Variants in LIPI observed in about 807,000 individuals in gnomAD.
The protein encoded by LIPI is lipase I.
A neutral mutation model predicts 50.6 loss-of-function variants in LIPI; 59 were observed. That is an observed-to-expected ratio of 1.16 (90% CI 0.94 to 1.45). The LOEUF is 1.45. Ranked by LOEUF, LIPI falls within the 40% of genes most tolerant of loss-of-function variation. The probability of loss-of-function intolerance (pLI) is 0.00; values close to 1 mark genes in which losing one functional copy is unlikely to be tolerated. For synonymous variants in LIPI, 203 were observed against 178.2 expected (o/e 1.14, Z -1.11); for missense variants, 586 against 536.3 (o/e 1.09, Z -0.92).
intron 8 of LIPI, 92 bp from the exon 9 acceptor site, chr21:14,144,891 G>A (rs2017847425): frequency 1.2e-6 from 1 of 819,770 alleles, no homozygotes. Flanking sequence ...GGAGGCCACA[G>A]AGAACAAAAT....
Position 14,205,399 on chromosome 21 carries a change from A to C in LIPI, c.46+5401T>G, listed in dbSNP as rs140812638. Among the ~76,000 whole-genome samples, 1,073 of 152,098 alleles carry C rather than the reference A, an allele frequency of 7.1e-3. 10 individuals are homozygous for C. Among genetic ancestry groups the C allele is most frequent in the African/African-American group, 0.018 (734 of 41,568 alleles). Reference sequence around the variant, plus strand: ...AGAAAGCACGTATTATGTAAAATGAAATACAATAAGATAATAAAAACCATA... The same window carrying C: ...AGAAAGCACGTATTATGTAAAATGACATACAATAAGATAATAAAAACCATA... On this transcript the variant is annotated intron_variant, in intron 1 of 9. Coordinates refer to ENST00000681601, the MANE Select transcript of LIPI (RefSeq NM_001302998.2).
At chr21:14,191,627 G>A (rs2019680931) in intron 1 of LIPI, among the ~76,000 whole-genome samples, 1 of 152,112 alleles carries the variant, frequency 6.6e-6, no homozygotes, top group Non-Finnish European at 1.5e-5. Flanking sequence ...AGGTTGGTGT[G>A]TTATAGTGCA....
In LIPI at chr21:14,181,782, C is replaced by A; in HGVS notation, c.619G>T (p.Asp207Tyr). Reference sequence around the variant, plus strand: ...CCATTGGAGTCAGAATGGATGACATCCACAAACTTTGCATCCGTGTAATCT... The same window carrying A: ...CCATTGGAGTCAGAATGGATGACATACACAAACTTTGCATCCGTGTAATCT... ...RLDYTDAKFV[D>Y]VIHSDSNGLG... Residue 207 changes from aspartate (D) to tyrosine (Y), a missense_variant, in exon 4 of 10, where the codon GAT becomes TAT. Asp to Tyr is a radical substitution (Grantham distance 160). Transcript: ENST00000681601. The A allele has an allele frequency of 5.0e-6, 8 of 1,609,672 alleles. No individual in the cohort carries two copies. Among genetic ancestry groups the A allele is most frequent in the Non-Finnish European group, 6.8e-6 (8 of 1,176,356 alleles).
intron 2 of LIPI, among the ~76,000 whole-genome samples, chr21:14,188,622 G>T (rs544525251): frequency 1.4e-5 from 2 of 145,272 alleles, no homozygotes; most frequent in South Asian, 4.5e-4. Context: ...ATTCACACTC[G>T]ATTATATGCA....
At chr21:14,141,059 T>G (rs1158512611) in intron 9 of LIPI, among the ~76,000 whole-genome samples, 1 of 152,178 alleles carries the variant, frequency 6.6e-6, no homozygotes, top group Non-Finnish European at 1.5e-5. Context: ...AAAATAAAAT[T>G]TATAAGAATG....
At chr21:14,140,711 C>G (rs2017674857) in intron 9 of LIPI, among the ~76,000 whole-genome samples, 2 of 152,102 alleles carry the variant, frequency 1.3e-5, no homozygotes, top group South Asian at 4.1e-4. Context: ...TTCTGTAATG[C>G]TCTTCTTATC....
At chr21:14,169,358 T>C (rs966746560) in intron 4 of LIPI, among the ~76,000 whole-genome samples, 3 of 152,040 alleles carry the variant, frequency 2.0e-5, no homozygotes, top group Admixed American at 1.3e-4. Flanking sequence ...CTGCACCAAG[T>C]GGACCTAATA....
intron 1 of LIPI, among the ~76,000 whole-genome samples, chr21:14,198,851 T>G (rs52932): frequency 0.14 from 21,163 of 152,026 alleles, 1,943 homozygotes; most frequent in South Asian, 0.21. Context: ...ATCAGACACA[T>G]AATTGAAAGT....
intron 9 of LIPI, among the ~76,000 whole-genome samples, chr21:14,120,458 A>G (rs920623913): frequency 2.0e-5 from 3 of 152,234 alleles, no homozygotes; most frequent in Non-Finnish European, 4.4e-5. Flanking sequence ...GAAAGGAAAT[A>G]AAGAACAAAA....
intron 9 of LIPI, among the ~76,000 whole-genome samples, chr21:14,143,203 T>C (rs1230651731): frequency 1.3e-5 from 2 of 152,140 alleles, no homozygotes; most frequent in African/African-American, 4.8e-5. Context: ...AGTTGAAGAT[T>C]GAAAATCTTA....
chr21:14,142,766 G>A (rs1371377688), intron 9 of LIPI, among the ~76,000 whole-genome samples: 4 of 151,818 alleles, frequency 2.6e-5, no homozygotes, highest in African/African-American at 4.8e-5. Context: ...TTACAGGCGT[G>A]AGCCACCACT....
intron 4 of LIPI, among the ~76,000 whole-genome samples, chr21:14,181,531 C>T (rs1227798245): frequency 1.3e-5 from 2 of 152,080 alleles, no homozygotes; most frequent in Admixed American, 1.3e-4. Context: ...TGACATGACA[C>T]ATCTTGAAAC....
intron 1 of LIPI, among the ~76,000 whole-genome samples, chr21:14,208,751 C>A (rs114787642): frequency 6.6e-6 from 1 of 152,128 alleles, no homozygotes; most frequent in African/African-American, 2.4e-5. Flanking sequence ...ACTATCTGGT[C>A]GTTTACAAAA....
intron 1 of LIPI, among the ~76,000 whole-genome samples, chr21:14,190,442 A>C (rs1205493154): frequency 4.6e-5 from 7 of 152,216 alleles, no homozygotes; most frequent in Admixed American, 4.6e-4. Flanking sequence ...ACCAAAAATT[A>C]ACAAAAGTAT....
At chr21:14,121,989 A>G (rs1405091022) in intron 9 of LIPI, among the ~76,000 whole-genome samples, 1 of 152,226 alleles carries the variant, frequency 6.6e-6, no homozygotes, top group East Asian at 1.9e-4. Context: ...GGTGCTAGAT[A>G]AGTAAATGTG....
At position 14,159,296 on chromosome 21, in the gene LIPI, C is replaced by A. The variant is rs749284115; in HGVS notation, c.1006+4123G>T. On this transcript the variant is annotated intron_variant, in intron 7 of 9. Transcript: ENST00000681601. ...AAATTCAACAATGTATTTTAAAATACGCACTAAGCCCAAGTAGAATTTATT... is the reference window on the plus strand; with the variant it reads ...AAATTCAACAATGTATTTTAAAATAAGCACTAAGCCCAAGTAGAATTTATT... Among the ~76,000 whole-genome samples the A allele has an allele frequency of 3.3e-5, 5 of 151,304 alleles. No homozygotes were observed. The South Asian group carries it at 1.0e-3, about 31-fold the overall frequency.
At chr21:14,143,287 G>T (rs913242498) in intron 9 of LIPI, among the ~76,000 whole-genome samples, 2 of 151,992 alleles carry the variant, frequency 1.3e-5, no homozygotes, top group African/African-American at 4.8e-5. Flanking sequence ...TAATGTTCCT[G>T]CCGAAAATGT....
chr21:14,192,983 AACTTT>A (rs2019727655), intron 1 of LIPI, among the ~76,000 whole-genome samples: 1 of 152,224 alleles, frequency 6.6e-6, no homozygotes, highest in South Asian at 2.1e-4. Context: ...TTTGCTTTGT[AACTTT>A]ACTTTTTATT....
intron 1 of LIPI, among the ~76,000 whole-genome samples, chr21:14,208,615 T>C (rs946668713): frequency 6.8e-5 from 9 of 132,888 alleles, no homozygotes; most frequent in African/African-American, 3.1e-4. Flanking sequence ...TAAATAAAGT[T>C]GTATTCGTGC....
Sources: allele counts gnomAD v4.1 joint callset (sites outside exome capture counted in the v4.1 genomes callset), GRCh38; gene constraint gnomAD v4.1.1; transcripts MANE v1.5; gene names NCBI Gene and HGNC (gene_info 2026-07-23, HGNC 2026-07-21).